The following PDGFD variants were observed in gnomAD, a reference collection of about 807,000 sequenced individuals.
The protein encoded by PDGFD is platelet-derived growth factor D.
PDGFD carries 30 observed loss-of-function variants against 44.7 expected under a neutral mutation model. The ratio of observed to expected loss-of-function variants is 0.67; its 90% CI spans 0.50 to 0.91. The LOEUF (loss-of-function observed/expected upper bound fraction) is 0.91. PDGFD is among the 40% of genes least tolerant of loss of function. PDGFD has a pLI of 0.00. For missense variants in PDGFD, 445 were observed against 457.8 expected, an observed-to-expected ratio of 0.97 and a Z score of 0.25; for synonymous variants, 173 against 168.4, an observed-to-expected ratio of 1.03 and a Z score of -0.21.
At chr11:104,062,376 C>G (rs1005148472) in intron 1 of PDGFD, among the ~76,000 whole-genome samples, 2 of 152,228 alleles carry the variant, frequency 1.3e-5, no homozygotes, top group Non-Finnish European at 2.9e-5. Flanking sequence ...AGATCTGGCT[C>G]TTCCTATCTT....
chr11:104,020,926 T>C (rs937160804), intron 1 of PDGFD, among the ~76,000 whole-genome samples: 1 of 152,148 alleles, frequency 6.6e-6, no homozygotes, highest in African/African-American at 2.4e-5. Flanking sequence ...AGCTCTTAGA[T>C]AATGCTACTC....
chr11:104,042,307 C>A (rs372502794), intron 1 of PDGFD, among the ~76,000 whole-genome samples: 3 of 152,098 alleles, frequency 2.0e-5, no homozygotes, highest in Non-Finnish European at 2.9e-5. Context: ...TTTTGAATCC[C>A]AGCTTCTTTC....
chr11:104,055,090 G>C (rs917151010), intron 1 of PDGFD, among the ~76,000 whole-genome samples: 1 of 152,188 alleles, frequency 6.6e-6, no homozygotes, highest in Non-Finnish European at 1.5e-5. Context: ...CAAATGTCAT[G>C]TATGTTCAAA....
chr11:104,114,520 G>A (rs1382286976), intron 1 of PDGFD, among the ~76,000 whole-genome samples: 1 of 151,828 alleles, frequency 6.6e-6, no homozygotes, highest in Non-Finnish European at 1.5e-5. Context: ...CTTTAAGTTG[G>A]GTAGTGTCAG....
rs565777608 is a variant in PDGFD, at chr11:103,957,498, G to T, written c.511-9774C>A. On this transcript the variant is annotated intron_variant, in intron 3 of 6. Coordinates refer to ENST00000393158, the MANE Select transcript of PDGFD (RefSeq NM_025208.5). ...AAGGCTACAGTAACCAAAGCAGCAT[G>T]GTACAGGTACCAAAACAGAGATATA... Among the ~76,000 whole-genome samples the T allele has an allele frequency of 2.3e-3, 349 of 152,214 alleles. 2 individuals carry two copies. Among genetic ancestry groups the T allele is most frequent in the African/African-American group, 7.8e-3 (325 of 41,532 alleles).
intron 1 of PDGFD, among the ~76,000 whole-genome samples, chr11:104,126,874 C>G (rs958038024): frequency 6.6e-6 from 1 of 151,834 alleles, no homozygotes; most frequent in South Asian, 2.1e-4. Flanking sequence ...CCTTTACAAG[C>G]GATGATACCC....
At chr11:104,057,427 G>C (rs1449202556) in intron 1 of PDGFD, among the ~76,000 whole-genome samples, 2 of 152,098 alleles carry the variant, frequency 1.3e-5, no homozygotes, top group South Asian at 2.1e-4. Context: ...CACAGGAACA[G>C]AAAAACAAAT....
chr11:104,097,314 T>C (rs1049787866), intron 1 of PDGFD, among the ~76,000 whole-genome samples: 2 of 152,076 alleles, frequency 1.3e-5, no homozygotes, highest in African/African-American at 4.8e-5. Flanking sequence ...ACAAAGAAAA[T>C]TTTATTTTTT....
chr11:104,137,625 T>C (rs1862027734), intron 1 of PDGFD, among the ~76,000 whole-genome samples: 2 of 152,100 alleles, frequency 1.3e-5, no homozygotes, highest in African/African-American at 2.4e-5. Context: ...GACCACCCTA[T>C]TGAAGAGACT....
intron 3 of PDGFD, among the ~76,000 whole-genome samples, chr11:103,988,037 AC>A (rs1315665416): frequency 6.6e-6 from 1 of 152,204 alleles, no homozygotes; most frequent in Non-Finnish European, 1.5e-5. Flanking sequence ...TTATAAGTGA[AC>A]GATAGGTGGA....
chr11:103,912,142 C>T (rs1858037771), intron 6 of PDGFD, among the ~76,000 whole-genome samples: 1 of 152,142 alleles, frequency 6.6e-6, no homozygotes, highest in Admixed American at 6.5e-5. Flanking sequence ...CATAAAGATA[C>T]TCCTCGAGAA....
At chr11:103,973,986 T>C (rs761002406) in intron 3 of PDGFD, among the ~76,000 whole-genome samples, 1 of 152,086 alleles carries the variant, frequency 6.6e-6, no homozygotes, top group African/African-American at 2.4e-5. Context: ...TAGAAATATC[T>C]CTTAGGCTGC....
chr11:104,156,450 A>G (rs1862309364), intron 1 of PDGFD, among the ~76,000 whole-genome samples: 1 of 152,236 alleles, frequency 6.6e-6, no homozygotes, highest in Admixed American at 6.5e-5. Context: ...TAGACAAAGC[A>G]CTGCATCCAA....
intron 3 of PDGFD, among the ~76,000 whole-genome samples, chr11:103,983,260 A>G (rs1859301454): frequency 6.6e-6 from 1 of 151,748 alleles, no homozygotes; most frequent in Non-Finnish European, 1.5e-5. Flanking sequence ...CCACAAAATA[A>G]GACCACTCAC....
intron 3 of PDGFD, among the ~76,000 whole-genome samples, chr11:103,980,674 A>G: frequency 6.6e-6 from 1 of 152,036 alleles, no homozygotes; most frequent in East Asian, 1.9e-4. Flanking sequence ...GTCCCCCCCA[A>G]AATTGATACC....
chr11:104,087,364 A>G (rs1428302958), intron 1 of PDGFD, among the ~76,000 whole-genome samples: 1 of 151,658 alleles, frequency 6.6e-6, no homozygotes, highest in African/African-American at 2.4e-5. Context: ...ACCTGCCACC[A>G]CGCCTGCCTA....
intron 6 of PDGFD, among the ~76,000 whole-genome samples, chr11:103,915,295 C>A (rs550219641): frequency 1.6e-4 from 24 of 152,240 alleles, no homozygotes; most frequent in African/African-American, 5.3e-4. Flanking sequence ...CATTCTTATA[C>A]GCCAATAATA....
At chr11:104,108,086 T>G (rs1315817466) in intron 1 of PDGFD, among the ~76,000 whole-genome samples, 2 of 152,174 alleles carry the variant, frequency 1.3e-5, no homozygotes, top group Non-Finnish European at 2.9e-5. Context: ...TCACTCATTT[T>G]AAAAGACCCC....
chr11:104,117,041 G>A (rs1038216954), intron 1 of PDGFD, among the ~76,000 whole-genome samples: 31 of 152,026 alleles, frequency 2.0e-4, no homozygotes, highest in Admixed American at 5.3e-4. Context: ...TGAGGATCAA[G>A]TAGGTTTCAT....
Sources: gnomAD v4.1 joint callset for allele counts (sites outside exome capture counted in the v4.1 genomes callset) on GRCh38, gnomAD v4.1.1 for gene constraint, MANE v1.5 for transcripts, NCBI Gene and HGNC (gene_info 2026-07-23, HGNC 2026-07-21) for gene names.